SLC38A10: variants seen among roughly 807,000 people sequenced by gnomAD.
The protein encoded by SLC38A10 is Sodium-coupled neutral amino acid transporter 10.
A neutral mutation model predicts 81.0 loss-of-function variants in SLC38A10; 53 were observed. The ratio of observed to expected loss-of-function variants is 0.65; its 90% CI spans 0.53 to 0.82. The LOEUF (loss-of-function observed/expected upper bound fraction) is 0.82. Ranked by LOEUF, SLC38A10 falls within the 40% of genes least tolerant of loss-of-function variation. The pLI, the probability that SLC38A10 is intolerant of heterozygous loss-of-function variation, is 0.00. For synonymous variants in SLC38A10, 665 were observed against 655.3 expected, an observed-to-expected ratio of 1.01 and a Z score of -0.23; for missense variants, 1,471 against 1,545.0, an observed-to-expected ratio of 0.95 and a Z score of 0.80.
intron 11 of SLC38A10, among the ~76,000 whole-genome samples, chr17:81,259,220 CG>C (rs1303755492): frequency 2.0e-5 from 3 of 152,108 alleles, no homozygotes; most frequent in Non-Finnish European, 1.5e-5. Context: ...CTCCTGGAGG[CG>C]GAAGTCACTG....
intron 14 of SLC38A10, among the ~76,000 whole-genome samples, chr17:81,248,973 G>A (rs2062878851): frequency 2.0e-5 from 3 of 152,224 alleles, no homozygotes; most frequent in Admixed American, 2.0e-4. Flanking sequence ...AGTGCAGGTG[G>A]CAGACCAGCC....
chr17:81,275,908 C>A, intron 8 of SLC38A10, 61 bp downstream of exon 8: 1 of 1,517,232 alleles, frequency 6.6e-7, no homozygotes, highest in Admixed American at 1.9e-5. Context: ...CAGCTGGGGG[C>A]TTATGGGAAG....
chr17:81,286,091 TCAG>T lies in SLC38A10; in HGVS notation c.218-1199_218-1197del, dbSNP rs2063264545. 6.6e-6 allele frequency among the ~76,000 whole-genome samples: 1 copy of T among 151,924 alleles called. No individual in the cohort carries two copies. Among genetic ancestry groups the T allele is most frequent in the African/African-American group, 2.4e-5 (1 of 41,320 alleles). On this transcript the variant is annotated intron_variant, in intron 2 of 15. Transcript: ENST00000374759. The surrounding 1 kb of genome is among the most constrained non-coding windows in gnomAD (Gnocchi z 6.0). ...AACACTAAGAACTCCAGGAGCCCCCTCAGCAGCCCACAGCCCAGGGCCCTGCTG... is the reference window on the plus strand; with the variant it reads ...AACACTAAGAACTCCAGGAGCCCCCTCAGCCCACAGCCCAGGGCCCTGCTG...
In SLC38A10 at chr17:81,283,739, G is replaced by A. The variant is rs1171771660; in HGVS notation, c.264-237C>T. Among the ~76,000 whole-genome samples, 12 of 151,466 alleles carry A rather than the reference G, an allele frequency of 7.9e-5. No individual in the cohort carries two copies. Among genetic ancestry groups the A allele is most frequent in the Admixed American group, 5.9e-4 (9 of 15,198 alleles). On this transcript the variant is annotated intron_variant, in intron 3 of 15. Coordinates refer to ENST00000374759, the MANE Select transcript of SLC38A10 (RefSeq NM_001037984.3). This position sits in a 1 kb window ranked among gnomAD's most constrained non-coding sequence, Gnocchi z 4.7. ...CGCCATTCTCCTGCCTCAGCCTCCCGAGTAGCTGGGAGTAGCCGAGTAGCC... is the reference window on the plus strand; with the variant it reads ...CGCCATTCTCCTGCCTCAGCCTCCCAAGTAGCTGGGAGTAGCCGAGTAGCC...
chr17:81,247,004 T>A lies in SLC38A10; in HGVS notation c.2123A>T (p.Gln708Leu), dbSNP rs1308690393. The A allele has an allele frequency of 6.2e-7, 1 of 1,604,828 alleles. No individual in the cohort carries two copies. The highest frequency in any genetic ancestry group is 8.5e-7 in the Non-Finnish European group (1 of 1,179,474). The change falls in exon 15 of 16, where the codon CAG (glutamine) becomes CTG (leucine). Residue 708 changes from glutamine to leucine, a missense_variant. Physicochemically the swap from Gln to Leu is moderately radical, Grantham distance 113. Around this residue, in one of 2 missense-constraint regions of SLC38A10, gnomAD observed 751 missense variants for 717.4 expected, o/e 1.05. Transcript: ENST00000374759. ...CAGCAAGCGCTTTTGCTGCACCTGC[T>A]GTTCTTTGATCACCTGAAGCAGGAC... ...HAVLLQVIKEQQVQQKRLLDQ... is the reference protein window; with the variant it reads ...HAVLLQVIKELQVQQKRLLDQ...
rs750217161 is a variant in SLC38A10 at position 81,246,903 on chromosome 17, C to T, written c.2224G>A (p.Glu742Lys). Residue 742 changes from glutamate to lysine, a missense_variant, in exon 15 of 16, where the codon GAG becomes AAG. This residue lies in a region of SLC38A10 where 751 missense variants were observed against 717.4 expected (regional missense o/e 1.05). Coordinates refer to ENST00000374759, the MANE Select transcript of SLC38A10 (RefSeq NM_001037984.3). ...EIHQQRQEDEEDKPRQVEVHQ... is the reference protein window; with the variant it reads ...EIHQQRQEDEKDKPRQVEVHQ... ...GGCCTACCCTGCCTGGGTTTATCCT[C>T]CTCGTCCTCCTGCCTCTGCTGGTGG... 1.2e-6 allele frequency: 2 copies of T among 1,601,688 alleles called. No homozygotes were observed. The highest frequency in any genetic ancestry group is 1.7e-6 in the Non-Finnish European group (2 of 1,174,536).
In SLC38A10 at chr17:81,245,439, T is replaced by C. The variant is rs1036609679; in HGVS notation, c.*117A>G. ...TCACACTTGGTGAGGGCCTCAGACA[T>C]GAAACCCTGGGGAGAGGCGAGTGTG... On this transcript the variant is annotated 3_prime_UTR_variant, in exon 16 of 16. Transcript: ENST00000374759. The C allele has an allele frequency of 2.3e-6, 3 of 1,319,270 alleles. No homozygotes were observed. Among genetic ancestry groups the C allele is most frequent in the African/African-American group, 2.9e-5 (2 of 67,910 alleles). The allele number at this position is 1,319,270 out of a possible 1,614,324, so 81.7% of individuals were successfully genotyped here. A position where few individuals can be genotyped will look rare whatever the true frequency, so the allele number is the denominator to read the frequency against.
chr17:81,280,757 C>G, intron 5 of SLC38A10, 24 bp from the exon 6 acceptor site: 2 of 1,602,490 alleles, frequency 1.2e-6, no homozygotes, highest in African/African-American at 1.3e-5. Context: ...GGGGAGAGAG[C>G]ACGGGGCAGG....
At chr17:81,263,146 G>A (rs569114759) in intron 10 of SLC38A10, 1 of 152,182 alleles carries the variant, frequency 6.6e-6, no homozygotes, top group African/African-American at 2.4e-5. Flanking sequence ...CACCTCCCAG[G>A]GCAGTACCTG....
At chr17:81,282,420 G>A (rs10871495) in intron 4 of SLC38A10, 88 bp from the exon 5 acceptor site, 312,739 of 1,509,200 alleles carry the variant, frequency 0.21, 35,183 homozygotes, top group Non-Finnish European at 0.23. Context: ...GGAGCGCCCC[G>A]AGCCCGAAAG....
In SLC38A10 at chr17:81,289,386, C is replaced by A. The variant is rs912574139; in HGVS notation, c.217+305G>T. Among the ~76,000 whole-genome samples the A allele has an allele frequency of 3.3e-5, 5 of 150,534 alleles. No homozygotes were observed. The highest frequency in any genetic ancestry group is 4.2e-4 in the South Asian group (2 of 4,748). ...TTTTTTTTTAATTTGATTTTTAATTCTTTTGAGACAGGGTCTCGCTCTGTC... is the reference window on the plus strand; with the variant it reads ...TTTTTTTTTAATTTGATTTTTAATTATTTTGAGACAGGGTCTCGCTCTGTC... On this transcript the variant is annotated intron_variant, in intron 2 of 15. Transcript: ENST00000374759. The surrounding 1 kb of genome is among the most constrained non-coding windows in gnomAD (Gnocchi z 5.9).
Position 81,282,080 on chromosome 17 carries a change from G to A in SLC38A10, c.501+109C>T. On this transcript the variant is annotated intron_variant, in intron 5 of 15. Transcript: ENST00000374759. ...CCTGCTACTTCCAACACATTCCCAG[G>A]AGGCAGCAGGCGGCCACACCAGACC... 2.7e-6 allele frequency: 4 copies of A among 1,465,736 alleles called. No homozygotes were observed. In the East Asian group the frequency reaches 6.9e-5, roughly 25 times the overall value. 90.8% of individuals were successfully genotyped at this position (1,465,736 alleles called of 1,614,324 possible).
rs57072484 is a variant in SLC38A10 at position 81,245,766 on chromosome 17, C to G, written c.3150G>C (p.Arg1050=). ...DLKLQAGSDL[R]RRRRDLGPHA... ...GAGGGCCAAGGTCCCGCCGTCGCCT[C>G]CGGAGGTCGGAGCCAGCCTGCAGTT... The change falls in exon 16 of 16, where the codon CGG becomes CGC. Residue 1050 remains arginine, a synonymous_variant. Transcript: ENST00000374759. The G allele has an allele frequency of 0.02, 31,385 of 1,596,754 alleles. 968 individuals carry two copies. Among genetic ancestry groups the G allele is most frequent in the African/African-American group, 0.15 (10,894 of 74,740 alleles).
intron 11 of SLC38A10, among the ~76,000 whole-genome samples, chr17:81,257,888 C>T (rs1016981521): frequency 7.2e-5 from 11 of 152,240 alleles, no homozygotes; most frequent in Non-Finnish European, 7.3e-5. Flanking sequence ...GTGCAGGCAC[C>T]GGGAGGACAG....
rs759693476 is a variant in SLC38A10, at chr17:81,283,499, C to T, written c.267G>A (p.Met89Ile). 2 of 1,609,100 alleles carry T rather than the reference C, an allele frequency of 1.2e-6. No homozygotes were observed. Among genetic ancestry groups the T allele is most frequent in the African/African-American group, 2.7e-5 (2 of 74,782 alleles). The stretch of plus-strand genomic sequence containing the variant: ...TGCAGGTGCCCAGCATCAGCCCGAT[C>T]ATGCTGCACAGGGACGGGGGGTACG... ...KAGKMLVETSMIGLMLGTCIA... is the reference protein window; with the variant it reads ...KAGKMLVETSIIGLMLGTCIA... Residue 89 changes from methionine (M) to isoleucine (I), a missense_variant, in exon 4 of 16, where the codon ATG (methionine) becomes ATA (isoleucine). By Grantham distance (10) the Met-to-Ile change is conservative (BLOSUM62 1). Coordinates refer to ENST00000374759, the MANE Select transcript of SLC38A10 (RefSeq NM_001037984.3). The surrounding 1 kb of genome is among the most constrained non-coding windows in gnomAD (Gnocchi z 4.7).
At chr17:81,255,911 G>A (rs895680425) in intron 11 of SLC38A10, among the ~76,000 whole-genome samples, 4 of 152,216 alleles carry the variant, frequency 2.6e-5, no homozygotes, top group African/African-American at 9.7e-5. Context: ...GAACTTGGGA[G>A]GTGGAGGCTG....
In SLC38A10 at chr17:81,276,162, A is replaced by AT; in HGVS notation, c.730-12dup. 6.2e-7 allele frequency: 1 copy of AT among 1,603,964 alleles called. No individual in the cohort carries two copies. The highest frequency in any genetic ancestry group is 8.5e-7 in the Non-Finnish European group (1 of 1,173,634). On this transcript the variant is annotated splice_polypyrimidine_tract_variant and intron_variant, in intron 7 of 15. Transcript: ENST00000374759. This position sits in a 1 kb window ranked among gnomAD's most constrained non-coding sequence, Gnocchi z 4.7. ...GCCGAAAAACCCCACCTGTTGGAGAATAAGAAATGGCAACGTGGCAGACAG... is the reference window on the plus strand; with the variant it reads ...GCCGAAAAACCCCACCTGTTGGAGAATTAAGAAATGGCAACGTGGCAGACAG...
chr17:81,247,155 G>A (rs2062860077), intron 14 of SLC38A10, 94 bp from the exon 15 acceptor site: 11 of 1,317,666 alleles, frequency 8.3e-6, no homozygotes, highest in Non-Finnish European at 1.1e-5. Context: ...CAACGCACAG[G>A]TCACCTGCAG....
At chr17:81,291,932 C>T (rs1053150638) in intron 1 of SLC38A10, among the ~76,000 whole-genome samples, 6 of 152,136 alleles carry the variant, frequency 3.9e-5, no homozygotes, top group African/African-American at 4.8e-5. Context: ...CAGTGTGCCC[C>T]GGGTAGGCCG....
Sources: gnomAD v4.1 joint callset for allele counts (sites outside exome capture counted in the v4.1 genomes callset) on GRCh38, gnomAD v4.1.1 for gene constraint, gnomAD v4.1.1 regional missense constraint, Gnocchi (gnomAD v3.1) non-coding constraint, MANE v1.5 for transcripts, NCBI Gene and HGNC (gene_info 2026-07-23, HGNC 2026-07-21) for gene names.